The following CDYL2 variants were observed in gnomAD, a reference collection of about 807,000 sequenced individuals.
The protein encoded by CDYL2 is chromodomain Y-like protein 2.
A neutral mutation model predicts 49.4 loss-of-function variants in CDYL2; 23 were observed. The ratio of observed to expected loss-of-function variants is 0.47; its 90% CI spans 0.34 to 0.66. CDYL2 has a LOEUF of 0.66. CDYL2 is among the 30% of genes least tolerant of loss of function. CDYL2 has a pLI of 0.01. For missense variants in CDYL2, 678 were observed against 656.4 expected (o/e 1.03, Z -0.36); for synonymous variants, 360 against 268.8 (o/e 1.34, Z -3.32).
intron 1 of CDYL2, among the ~76,000 whole-genome samples, chr16:80,708,859 G>A (rs1202716338): frequency 2.0e-5 from 3 of 152,036 alleles, no homozygotes; most frequent in Non-Finnish European, 4.4e-5. Context: ...TGGTAATGAT[G>A]AAATCTTTAT....
intron 2 of CDYL2, among the ~76,000 whole-genome samples, chr16:80,670,244 T>A (rs1488916023): frequency 6.6e-6 from 1 of 151,952 alleles, no homozygotes; most frequent in Non-Finnish European, 1.5e-5. Flanking sequence ...GTTTTTATAA[T>A]CCCCACGTGT....
chr16:80,747,337 T>C (rs1326348540), intron 1 of CDYL2, among the ~76,000 whole-genome samples: 1 of 151,984 alleles, frequency 6.6e-6, no homozygotes, highest in African/African-American at 2.4e-5. Flanking sequence ...GGTAGGTATT[T>C]AACCTCTCCA....
intron 1 of CDYL2, among the ~76,000 whole-genome samples, chr16:80,702,380 G>T (rs1904306567): frequency 3.3e-5 from 5 of 151,944 alleles, no homozygotes; most frequent in Admixed American, 3.3e-4. Context: ...GTATAAAATA[G>T]AAAAAAATTA....
In CDYL2 at chr16:80,804,125, G is replaced by A. The variant is rs534402864; in HGVS notation, c.24+25C>T. On this transcript the variant is annotated intron_variant, in intron 1 of 6. Coordinates refer to ENST00000570137, the MANE Select transcript of CDYL2 (RefSeq NM_152342.4). ...CCGCCGCCGCCCGCTGACTGGGGCC[G>A]GCCCGCGCCCCCGCGTCCCCGTACC... The A allele has an allele frequency of 6.1e-6, 7 of 1,148,174 alleles. No individual in the cohort carries two copies. The East Asian group carries it at 4.4e-4, about 72-fold the overall frequency. 71.1% of individuals were successfully genotyped at this position (1,148,174 alleles called of 1,614,324 possible).
chr16:80,608,212 C>T lies in CDYL2; in HGVS notation c.1242G>A (p.Gly414=). ...VALANEMLFC[G]RKLTAQEACS... The stretch of plus-strand genomic sequence containing the variant: ...AGGCCTCCTGGGCGGTGAGCTTCCG[C>T]CCACAGAACAGCATCTCATTGGCCT... Residue 414 remains glycine, a synonymous_variant, in exon 6 of 7, where the codon GGG becomes GGA. Transcript: ENST00000570137. 1 of 1,586,310 alleles carries T rather than the reference C, an allele frequency of 6.3e-7. No individual in the cohort carries two copies. Among genetic ancestry groups the T allele is most frequent in the Non-Finnish European group, 8.6e-7 (1 of 1,165,574 alleles).
chr16:80,710,362 A>G (rs1904553899), intron 1 of CDYL2, among the ~76,000 whole-genome samples: 1 of 152,238 alleles, frequency 6.6e-6, no homozygotes, highest in African/African-American at 2.4e-5. Context: ...GCAGTCACAT[A>G]ACAATATTTA....
At chr16:80,702,968 C>G (rs1264247752) in intron 1 of CDYL2, among the ~76,000 whole-genome samples, 1 of 152,146 alleles carries the variant, frequency 6.6e-6, no homozygotes, top group African/African-American at 2.4e-5. Flanking sequence ...GCCACTAAGT[C>G]CATAACTGAT....
chr16:80,675,574 G>T (rs770949687), intron 2 of CDYL2, among the ~76,000 whole-genome samples: 1 of 152,188 alleles, frequency 6.6e-6, no homozygotes, highest in African/African-American at 2.4e-5. Flanking sequence ...GGTGGAGGAA[G>T]GCCCTGGGAT....
intron 1 of CDYL2, among the ~76,000 whole-genome samples, chr16:80,695,834 C>T (rs1426631819): frequency 1.3e-5 from 2 of 152,048 alleles, no homozygotes; most frequent in Non-Finnish European, 2.9e-5. Context: ...ACTCTCAGCA[C>T]GAGACAGATC....
intron 2 of CDYL2, among the ~76,000 whole-genome samples, chr16:80,642,336 G>T (rs1395616197): frequency 6.6e-6 from 1 of 152,134 alleles, no homozygotes; most frequent in Admixed American, 6.5e-5. Flanking sequence ...CCAGCTACTT[G>T]GGAGGCTGAG....
intron 1 of CDYL2, among the ~76,000 whole-genome samples, chr16:80,730,084 C>A (rs2043262141): frequency 1.3e-5 from 2 of 151,794 alleles, no homozygotes; most frequent in African/African-American, 4.8e-5. Context: ...TAGCAGAAGG[C>A]AAGAAATAAC....
At chr16:80,702,959 C>G (rs1904310787) in intron 1 of CDYL2, among the ~76,000 whole-genome samples, 5 of 152,076 alleles carry the variant, frequency 3.3e-5, no homozygotes, top group Non-Finnish European at 4.4e-5. Flanking sequence ...TTGCTTTAAG[C>G]CACTAAGTCC....
intron 1 of CDYL2, among the ~76,000 whole-genome samples, chr16:80,703,824 C>T (rs531504145): frequency 2.0e-5 from 3 of 152,298 alleles, no homozygotes; most frequent in Admixed American, 1.3e-4. Context: ...CTGGCCTTGC[C>T]TGAGCTTGGA....
At chr16:80,770,255 G>C (rs138306140) in intron 1 of CDYL2, among the ~76,000 whole-genome samples, 125 of 152,216 alleles carry the variant, frequency 8.2e-4, no homozygotes, top group African/African-American at 2.9e-3. Context: ...TAAAAGATTA[G>C]GTACCAAGTT....
chr16:80,714,858 G>C (rs575842829), intron 1 of CDYL2, among the ~76,000 whole-genome samples: 1 of 152,258 alleles, frequency 6.6e-6, no homozygotes, highest in Admixed American at 6.5e-5. Flanking sequence ...AATGAAAGGT[G>C]AGCATTTACA....
intron 2 of CDYL2, among the ~76,000 whole-genome samples, chr16:80,657,823 T>G (rs1480385293): frequency 6.6e-6 from 1 of 152,114 alleles, no homozygotes; most frequent in Non-Finnish European, 1.5e-5. Flanking sequence ...AAACTGTACT[T>G]CCAATGGTAC....
In CDYL2 at chr16:80,612,401, A is replaced by G. The variant is rs948334030; in HGVS notation, c.1218+225T>C. Among the ~76,000 whole-genome samples, 2 of 152,116 alleles carry G rather than the reference A, an allele frequency of 1.3e-5. No individual in the cohort carries two copies. Among genetic ancestry groups the G allele is most frequent in the South Asian group, 4.1e-4 (2 of 4,820 alleles). On this transcript the variant is annotated intron_variant, in intron 5 of 6. Transcript: ENST00000570137. The surrounding 1 kb of genome is among the most constrained non-coding windows in gnomAD (Gnocchi z 5.0). ...CCTTCAGGGGGTTGGAGTGAGGAAT[A>G]ATTGAGACGCCATGCAGAGTGCATG...
chr16:80,641,244 T>G (rs1040134695), intron 2 of CDYL2, among the ~76,000 whole-genome samples: 46 of 152,164 alleles, frequency 3.0e-4, no homozygotes, highest in South Asian at 2.1e-4. Context: ...TGTAGGAGCT[T>G]TAATACATAT....
intron 1 of CDYL2, among the ~76,000 whole-genome samples, chr16:80,770,000 C>G (rs1342547679): frequency 6.6e-6 from 1 of 151,758 alleles, no homozygotes; most frequent in Non-Finnish European, 1.5e-5. Flanking sequence ...TCAGGTTTTA[C>G]AAAAACAACA....
Sources: allele counts gnomAD v4.1 joint callset (sites outside exome capture counted in the v4.1 genomes callset), GRCh38; gene constraint gnomAD v4.1.1; non-coding constraint Gnocchi (gnomAD v3.1); transcripts MANE v1.5; gene names NCBI Gene and HGNC (gene_info 2026-07-23, HGNC 2026-07-21).